SMAD2: variants seen among roughly 807,000 people sequenced by gnomAD.
The protein encoded by SMAD2 is SMAD family member 2, also known as MAD homolog 2.
SMAD2 carries 8 observed loss-of-function variants against 64.4 expected under a neutral mutation model. The ratio of observed to expected loss-of-function variants is 0.12; its 90% CI spans 0.07 to 0.22. SMAD2 has a LOEUF of 0.22. SMAD2 is among the 10% of genes least tolerant of loss of function. The pLI is 1.00. For missense variants in SMAD2, 289 were observed against 561.2 expected, an observed-to-expected ratio of 0.51 and a Z score of 4.90; for synonymous variants, 203 against 195.8, an observed-to-expected ratio of 1.04 and a Z score of -0.31.
chr18:47,846,393 G>C (rs765051760), intron 8 of SMAD2, among the ~76,000 whole-genome samples: 2 of 152,098 alleles, frequency 1.3e-5, no homozygotes, highest in Non-Finnish European at 2.9e-5. Context: ...AAAAAATTGT[G>C]AGAAGCAGAG....
At chr18:47,886,616 A>G (rs1218298434) in intron 2 of SMAD2, among the ~76,000 whole-genome samples, 1 of 126,370 alleles carries the variant, frequency 7.9e-6, no homozygotes, top group Non-Finnish European at 1.7e-5. Flanking sequence ...TATCTATCTA[A>G]CCATAAAGAT....
chr18:47,876,225 C>T (rs2032254564), intron 2 of SMAD2, among the ~76,000 whole-genome samples: 1 of 151,984 alleles, frequency 6.6e-6, no homozygotes, highest in Non-Finnish European at 1.5e-5. Context: ...CATCTAACTT[C>T]AGGATATTCT....
chr18:47,885,912 A>G (rs1300522293), intron 2 of SMAD2, among the ~76,000 whole-genome samples: 1 of 152,204 alleles, frequency 6.6e-6, no homozygotes, highest in Admixed American at 6.5e-5. Flanking sequence ...CAGTAAGCCA[A>G]CACTGCACTA....
intron 1 of SMAD2, among the ~76,000 whole-genome samples, chr18:47,908,473 A>G (rs1348998548): frequency 6.6e-6 from 1 of 152,236 alleles, no homozygotes; most frequent in East Asian, 1.9e-4. Context: ...AAACACTGAA[A>G]AAAACTAAGA....
chr18:47,841,803 T>C lies in SMAD2; in HGVS notation c.*24A>G. ...AGAAGAGTTGTTACATTAAGTCTTT[T>C]CATGGGACTTGATTGGTGAAGCTTT... On this transcript the variant is annotated 3_prime_UTR_variant, in exon 11 of 11. Transcript: ENST00000262160. 3 of 1,613,978 alleles carry C rather than the reference T, an allele frequency of 1.9e-6. No homozygotes were observed. The Admixed American group carries it at 5.0e-5, about 27-fold the overall frequency.
Position 47,896,531 on chromosome 18 carries a change from T to G in SMAD2, c.226A>C (p.Thr76Pro). The G allele has an allele frequency of 6.2e-7, 1 of 1,614,226 alleles. No homozygotes were observed. Among genetic ancestry groups the G allele is most frequent in the Non-Finnish European group, 8.5e-7 (1 of 1,180,022 alleles). The stretch of plus-strand genomic sequence containing the variant: ...TCTAACAAAACTTACCTTGGTATGG[T>G]AACACATTTAGTATTACAGTTTTGA... The part of the protein sequence containing the change: ...TTQNCNTKCV[T>P]IPSTCSEIWG... The change falls in exon 2 of 11, where the codon ACC (threonine) becomes CCC (proline). Residue 76 changes from threonine to proline, a missense_variant. Physicochemically the swap from Thr to Pro is conservative, Grantham distance 38. Transcript: ENST00000262160.
At chr18:47,861,759 T>C (rs2031205335) in intron 6 of SMAD2, among the ~76,000 whole-genome samples, 1 of 152,212 alleles carries the variant, frequency 6.6e-6, no homozygotes, top group South Asian at 2.1e-4. Context: ...AATTCTTCAC[T>C]TTCCTTCACA....
At chr18:47,865,913 C>T (rs563572844) in intron 5 of SMAD2, among the ~76,000 whole-genome samples, 2 of 152,026 alleles carry the variant, frequency 1.3e-5, no homozygotes, top group African/African-American at 4.8e-5. Flanking sequence ...AACTGTAATT[C>T]CAGGGAGGAA....
Position 47,860,540 on chromosome 18 carries a change from C to T in SMAD2, c.730+4519G>A, listed in dbSNP as rs191771652. On this transcript the variant is annotated intron_variant, in intron 6 of 10. Transcript: ENST00000262160. The stretch of plus-strand genomic sequence containing the variant: ...TCAAGCAATTCTCCAGCATTGGCCT[C>T]CTAAAATGCTAGGATTACAGGCAAG... Among the ~76,000 whole-genome samples, 960 of 152,200 alleles carry T rather than the reference C, an allele frequency of 6.3e-3. 6 individuals carry two copies. Among genetic ancestry groups the T allele is most frequent in the Non-Finnish European group, 9.8e-3 (669 of 68,020 alleles).
At position 47,813,772 on chromosome 18, in the gene SMAD2, C is replaced by T. The variant is rs1912282244; in HGVS notation, c.*28055G>A. 7.7e-6 allele frequency: 1 copy of T among 129,436 alleles called. No individual in the cohort carries two copies. The highest frequency in any genetic ancestry group is 2.9e-5 in the African/African-American group (1 of 34,538). 8.0% of individuals were successfully genotyped at this position (129,436 alleles called of 1,614,324 possible). ...TTGCTATGTTGATCAGGCTGGAAAC[C>T]TGGGTCTTGAATAATGGATACATTT... On this transcript the variant is annotated 3_prime_UTR_variant, in exon 11 of 11. Coordinates refer to ENST00000262160, the MANE Select transcript of SMAD2 (RefSeq NM_005901.6).
intron 1 of SMAD2, among the ~76,000 whole-genome samples, chr18:47,913,256 GT>G: frequency 6.6e-6 from 1 of 152,294 alleles, no homozygotes; most frequent in African/African-American, 2.4e-5. Context: ...TTTCTTATGA[GT>G]TAAGCTGTAT....
At chr18:47,920,570 G>A (rs2034520954) in intron 1 of SMAD2, among the ~76,000 whole-genome samples, 1 of 152,210 alleles carries the variant, frequency 6.6e-6, no homozygotes, top group African/African-American at 2.4e-5. Context: ...TTTCTGGAAA[G>A]CACAACTGGG....
intron 2 of SMAD2, among the ~76,000 whole-genome samples, chr18:47,880,589 T>A (rs1598824663): frequency 6.6e-6 from 1 of 152,220 alleles, no homozygotes; most frequent in South Asian, 2.1e-4. Flanking sequence ...CACAAGTGTA[T>A]CCATCAGTTT....
intron 1 of SMAD2, among the ~76,000 whole-genome samples, chr18:47,904,606 G>GT (rs1176709398): frequency 2.0e-5 from 3 of 152,212 alleles, no homozygotes; most frequent in Admixed American, 2.0e-4. Context: ...GCAAAGGTCT[G>GT]TTACTACTAG....
At chr18:47,914,344 G>A (rs2034255041) in intron 1 of SMAD2, among the ~76,000 whole-genome samples, 1 of 152,110 alleles carries the variant, frequency 6.6e-6, no homozygotes, top group Non-Finnish European at 1.5e-5. Context: ...TCTAAATATA[G>A]TAGGAAACAT....
rs1279570275 is a variant in SMAD2 at position 47,841,526 on chromosome 18, A to G, written c.*301T>C. ...GGATCATGATACATTACCTGTACAC[A>G]TAACTACTACTGTTATTAATAAACC... On this transcript the variant is annotated 3_prime_UTR_variant, in exon 11 of 11. Coordinates refer to ENST00000262160, the MANE Select transcript of SMAD2 (RefSeq NM_005901.6). 16 of 466,076 alleles carry G rather than the reference A, an allele frequency of 3.4e-5. No homozygotes were observed. Among genetic ancestry groups the G allele is most frequent in the South Asian group, 2.1e-4 (10 of 46,512 alleles). The allele number at this position is 466,076 out of a possible 1,614,324, so 28.9% of individuals were successfully genotyped here. A position where few individuals can be genotyped will look rare whatever the true frequency, so the allele number is the denominator to read the frequency against.
chr18:47,924,419 T>C (rs943669915), intron 1 of SMAD2, among the ~76,000 whole-genome samples: 4 of 152,008 alleles, frequency 2.6e-5, no homozygotes, highest in Admixed American at 6.6e-5. Context: ...GGATTTTATA[T>C]AGGAGGCTCT....
Position 47,834,419 on chromosome 18 carries a change from T to A in SMAD2, c.*7408A>T, listed in dbSNP as rs1913216011. ...ATACAAAACTCTGCTAAAAGTTTTG[T>A]ATCCAGGGAAAGTCCCGCATCCAGG... On this transcript the variant is annotated 3_prime_UTR_variant, in exon 11 of 11. Coordinates refer to ENST00000262160, the MANE Select transcript of SMAD2 (RefSeq NM_005901.6). 1 of 207,132 alleles carries A rather than the reference T, an allele frequency of 4.8e-6. No homozygotes were observed. 12.8% of individuals were successfully genotyped at this position (207,132 alleles called of 1,614,324 possible). A position where few individuals can be genotyped will look rare whatever the true frequency, so the allele number is the denominator to read the frequency against.
chr18:47,827,337 C>T lies in SMAD2; in HGVS notation c.*14490G>A, dbSNP rs1912790184. ...TAAAATCATGTAAATCATCCATTTC[C>T]CAGTTGAATCTTAAAAAAAAATTTA... On this transcript the variant is annotated 3_prime_UTR_variant, in exon 11 of 11. Coordinates refer to ENST00000262160, the MANE Select transcript of SMAD2 (RefSeq NM_005901.6). 1 of 152,120 alleles carries T rather than the reference C, an allele frequency of 6.6e-6. No individual in the cohort carries two copies. The highest frequency in any genetic ancestry group is 6.5e-5 in the Admixed American group (1 of 15,272). The allele number at this position is 152,120 out of a possible 1,614,324, so 9.4% of individuals were successfully genotyped here. A position where few individuals can be genotyped will look rare whatever the true frequency, so the allele number is the denominator to read the frequency against.
Sources: allele counts gnomAD v4.1 joint callset (sites outside exome capture counted in the v4.1 genomes callset), GRCh38; gene constraint gnomAD v4.1.1; transcripts MANE v1.5; gene names NCBI Gene and HGNC (gene_info 2026-07-23, HGNC 2026-07-21).